The following DSG3 variants were observed in gnomAD, a reference collection of about 807,000 sequenced individuals.
DSG3 encodes the protein desmoglein 3, also known as desmoglein-3.
Under a neutral mutation model 85.9 loss-of-function variants are expected in DSG3, and 63 were observed. The observed-to-expected ratio is 0.73, with a 90% CI of 0.60 to 0.90. The LOEUF is 0.90. DSG3 is among the 40% of genes least tolerant of loss of function. DSG3 has a pLI of 0.00. For synonymous variants in DSG3, 447 were observed against 441.9 expected, an observed-to-expected ratio of 1.01 and a Z score of -0.14; for missense variants, 1,220 against 1,219.9, an observed-to-expected ratio of 1.00 and a Z score of 0.00.
At chr18:31,471,150 G>C (rs1044585559) in intron 12 of DSG3, among the ~76,000 whole-genome samples, 1 of 152,194 alleles carries the variant, frequency 6.6e-6, no homozygotes, top group Non-Finnish European at 1.5e-5. Flanking sequence ...TGTGACATGA[G>C]ACTGGAAAAT....
rs1317977328 is a variant in DSG3 at position 31,472,430 on chromosome 18, A to G, written c.2037+7A>G. On this transcript the variant is annotated splice_region_variant and intron_variant, in intron 13 of 15. Coordinates refer to ENST00000257189, the MANE Select transcript of DSG3 (RefSeq NM_001944.3). ...AGCCCATCCTGAAGACAAGGTAAGC[A>G]TCCAGTTCATAAATTATGTATTTCA... 3 of 1,607,558 alleles carry G rather than the reference A, an allele frequency of 1.9e-6. No individual in the cohort carries two copies. The highest frequency in any genetic ancestry group is 1.7e-6 in the Non-Finnish European group (2 of 1,178,070).
intron 12 of DSG3, among the ~76,000 whole-genome samples, chr18:31,471,209 A>T (rs2072853205): frequency 6.6e-6 from 1 of 152,136 alleles, no homozygotes; most frequent in African/African-American, 2.4e-5. Context: ...GAGGATTGGG[A>T]GATTAATTGT....
At chr18:31,454,615 T>G (rs2072730425) in intron 1 of DSG3, among the ~76,000 whole-genome samples, 1 of 152,124 alleles carries the variant, frequency 6.6e-6, no homozygotes, top group South Asian at 2.1e-4. Flanking sequence ...AACCATAGTC[T>G]TTTGCCAAAT....
At position 31,460,879 on chromosome 18, in the gene DSG3, GAGA is replaced by G. The variant is rs1307180168; in HGVS notation, c.734_736del (p.Glu245del). 1 of 1,600,270 alleles carries G rather than the reference GAGA, an allele frequency of 6.2e-7. No homozygotes were observed. The highest frequency in any genetic ancestry group is 1.4e-5 in the African/African-American group (1 of 73,940). On this transcript the variant is annotated inframe_deletion, in exon 7 of 16. Transcript: ENST00000257189. ...GTTGTGAGTGGTGCAGACAAAGATG[GAGA>G]AGGACTATCAACTCAATGTGAATGT... is the stretch of plus-strand genomic sequence containing the variant.
chr18:31,474,527 G>C, intron 15 of DSG3, 123 bp downstream of exon 15: 1 of 1,278,970 alleles, frequency 7.8e-7, no homozygotes, highest in Non-Finnish European at 1.1e-6. Flanking sequence ...GAAAAAAATG[G>C]TTTGTTTGTT....
intron 1 of DSG3, among the ~76,000 whole-genome samples, chr18:31,455,084 G>T (rs909395099): frequency 6.6e-6 from 1 of 151,550 alleles, no homozygotes; most frequent in South Asian, 2.1e-4. Context: ...AGGCTACTGC[G>T]GTCGCTATCC....
rs1481772848 is a variant in DSG3 at position 31,469,147 on chromosome 18, C to T, written c.1695C>T (p.Ser565=). ...EQIPPGVYHI[S]LVLTDSQNNR... ...TACCTCCTGGAGTATACCACATCTCCCTGGTACTTACAGACAGTCAGAACA... is the reference window on the plus strand; with the variant it reads ...TACCTCCTGGAGTATACCACATCTCTCTGGTACTTACAGACAGTCAGAACA... Residue 565 remains serine, a synonymous_variant, in exon 12 of 16, where the codon TCC becomes TCT. Coordinates refer to ENST00000257189, the MANE Select transcript of DSG3 (RefSeq NM_001944.3). The T allele has an allele frequency of 3.1e-6, 5 of 1,614,200 alleles. No homozygotes were observed. The highest frequency in any genetic ancestry group is 1.7e-5 in the Admixed American group (1 of 60,030).
In DSG3 at chr18:31,476,090, G is replaced by T. The variant is rs376372895; in HGVS notation, c.2830G>T (p.Val944Leu). ...TETYSASGSL[V>L]QPSTAGFDPL... ...GACTTACTCGGCTTCTGGTTCCCTCGTGCAACCTTCCACTGCAGGCTTTGA... is the reference window on the plus strand; with the variant it reads ...GACTTACTCGGCTTCTGGTTCCCTCTTGCAACCTTCCACTGCAGGCTTTGA... Residue 944 changes from valine (V) to leucine (L), a missense_variant, in exon 16 of 16, where the codon GTG becomes TTG. Val to Leu is a conservative substitution (Grantham distance 32). Transcript: ENST00000257189. The T allele has an allele frequency of 4.3e-6, 7 of 1,614,000 alleles. No individual in the cohort carries two copies. Among genetic ancestry groups the T allele is most frequent in the Non-Finnish European group, 5.9e-6 (7 of 1,180,034 alleles).
rs1362040737 is a variant in DSG3 at position 31,476,222 on chromosome 18, A to G, written c.2962A>G (p.Met988Val). The change falls in exon 16 of 16, where the codon ATG (methionine) becomes GTG (valine). Residue 988 changes from methionine (M) to valine (V), a missense_variant. Transcript: ENST00000257189. ...GPTQLRGSHT[M>V]LCTEDPCSRL... is the part of the protein sequence containing the mutation. ...AACGCAGCTACGAGGGTCACATACT[A>G]TGCTCTGTACAGAGGATCCTTGCTC... is the stretch of plus-strand genomic sequence containing the variant. 4 of 1,613,944 alleles carry G rather than the reference A, an allele frequency of 2.5e-6. No individual in the cohort carries two copies. Among genetic ancestry groups the G allele is most frequent in the Admixed American group, 1.7e-5 (1 of 60,018 alleles).
At position 31,468,231 on chromosome 18, in the gene DSG3, A is replaced by G. The variant is rs894315541; in HGVS notation, c.1637-858A>G. 6.6e-5 allele frequency among the ~76,000 whole-genome samples: 10 copies of G among 152,356 alleles called. No homozygotes were observed. In the East Asian group the frequency reaches 1.9e-3, roughly 29 times the overall value. On this transcript the variant is annotated intron_variant, in intron 11 of 15. Transcript: ENST00000257189. ...GGCCATCACCACAAGGAAATCCCAT[A>G]TCATAGACCTGCAGCTCACGGGATA...
chr18:31,457,818 A>G (rs996758754), intron 3 of DSG3, among the ~76,000 whole-genome samples: 1 of 151,612 alleles, frequency 6.6e-6, no homozygotes. Context: ...TTTAGTAGAG[A>G]CGGGGTTTCA....
At chr18:31,474,711 C>T (rs2072876472) in intron 15 of DSG3, among the ~76,000 whole-genome samples, 3 of 152,058 alleles carry the variant, frequency 2.0e-5, no homozygotes, top group African/African-American at 7.2e-5. Flanking sequence ...GCTATGATGG[C>T]ACCACTGCAC....
chr18:31,458,385 G>A, intron 3 of DSG3, 60 bp from the exon 4 acceptor site: 1 of 1,539,896 alleles, frequency 6.5e-7, no homozygotes, highest in Non-Finnish European at 8.9e-7. Flanking sequence ...GGAAGTGGGG[G>A]TGGAGAGGGA....
Position 31,465,368 on chromosome 18 carries a change from C to T in DSG3, c.1322C>T (p.Thr441Ile), listed in dbSNP as rs950092602. The T allele has an allele frequency of 1.9e-6, 3 of 1,541,004 alleles. No homozygotes were observed. Among genetic ancestry groups the T allele is most frequent in the Admixed American group, 1.9e-5 (1 of 51,764 alleles). ...GGATACCTAATGATTGATTCAAAAA[C>T]TGCTGAAATCAAATTTGTCAAAAAT... ...DGGYLMIDSK[T>I]AEIKFVKNMN... Residue 441 changes from threonine (T) to isoleucine (I), a missense_variant, in exon 10 of 16, where the codon ACT (threonine) becomes ATT (isoleucine). Coordinates refer to ENST00000257189, the MANE Select transcript of DSG3 (RefSeq NM_001944.3).
chr18:31,461,801 C>G (rs536337463), intron 8 of DSG3, among the ~76,000 whole-genome samples: 1 of 152,186 alleles, frequency 6.6e-6, no homozygotes, highest in African/African-American at 2.4e-5. Context: ...GATGGAATCA[C>G]GTCTTGCCCA....
chr18:31,447,742 T>C lies in DSG3; in HGVS notation c.-136T>C, dbSNP rs898116878. On this transcript the variant is annotated 5_prime_UTR_variant, in exon 1 of 16. Coordinates refer to ENST00000257189, the MANE Select transcript of DSG3 (RefSeq NM_001944.3). ...TGGTTTAGGGTGGGGAGGGACCGCATAACAGACCATCTGTAGACTCCTTCG... is the reference window on the plus strand; with the variant it reads ...TGGTTTAGGGTGGGGAGGGACCGCACAACAGACCATCTGTAGACTCCTTCG... The C allele has an allele frequency of 1.0e-5, 6 of 587,540 alleles. 1 individual carries two copies. Among genetic ancestry groups the C allele is most frequent in the East Asian group, 3.3e-5 (1 of 30,330 alleles). 36.4% of individuals were successfully genotyped at this position (587,540 alleles called of 1,614,324 possible).
At chr18:31,460,986 T>C (rs1295616765) in intron 7 of DSG3, 25 bp downstream of exon 7, 4 of 1,560,418 alleles carry the variant, frequency 2.6e-6, no homozygotes, top group Non-Finnish European at 3.4e-6. Flanking sequence ...CCTTAAAGAA[T>C]CATTTAGATA....
rs1161998531 is a variant in DSG3, at chr18:31,478,519, G to C, written c.*2259G>C. The C allele has an allele frequency of 6.6e-6, 1 of 152,060 alleles. No homozygotes were observed. The highest frequency in any genetic ancestry group is 1.9e-4 in the East Asian group (1 of 5,194). The allele number at this position is 152,060 out of a possible 1,614,324, so 9.4% of individuals were successfully genotyped here. On this transcript the variant is annotated 3_prime_UTR_variant, in exon 16 of 16. Transcript: ENST00000257189. ...TCAAAAAAAAATCAATCTTTAGGAT[G>C]ACTTAAAAATTGATTTGCCATGTAA...
intron 1 of DSG3, among the ~76,000 whole-genome samples, chr18:31,455,006 A>G (rs1276999444): frequency 6.9e-6 from 1 of 144,294 alleles, no homozygotes; most frequent in Non-Finnish European, 1.5e-5. Context: ...GGGCAAAAAG[A>G]GCGAAACTCC....
Sources: allele counts gnomAD v4.1 joint callset (sites outside exome capture counted in the v4.1 genomes callset), GRCh38; gene constraint gnomAD v4.1.1; transcripts MANE v1.5; gene names NCBI Gene and HGNC (gene_info 2026-07-23, HGNC 2026-07-21).